SLC20A2: variants seen among roughly 807,000 people sequenced by gnomAD.
SLC20A2 encodes the protein solute carrier family 20 member 2.
A neutral mutation model predicts 61.0 loss-of-function variants in SLC20A2; 30 were observed. That is an observed-to-expected ratio of 0.49 (90% CI 0.37 to 0.67). SLC20A2 has a LOEUF of 0.67. Among genes scored for constraint, SLC20A2 ranks in the 30% least tolerant of loss-of-function variants. SLC20A2 has a pLI of 0.00. For missense variants in SLC20A2, 626 were observed against 866.4 expected, an observed-to-expected ratio of 0.72 and a Z score of 3.48; for synonymous variants, 351 against 353.3, an observed-to-expected ratio of 0.99 and a Z score of 0.07.
intron 1 of SLC20A2, among the ~76,000 whole-genome samples, chr8:42,487,217 G>A (rs191325391): frequency 0.015 from 1,908 of 130,872 alleles, 41 homozygotes; most frequent in African/African-American, 0.048. Context: ...TCATTCTGTC[G>A]CCCAGGCTGG....
chr8:42,439,406 T>C, intron 7 of SLC20A2, 44 bp downstream of exon 7: 2 of 1,598,042 alleles, frequency 1.3e-6, no homozygotes, highest in Non-Finnish European at 8.6e-7. Flanking sequence ...CCAGGGAACT[T>C]CTCTGTGCTG....
chr8:42,513,227 CAT>C (rs1811124542), intron 1 of SLC20A2, among the ~76,000 whole-genome samples: 1 of 152,106 alleles, frequency 6.6e-6, no homozygotes, highest in South Asian at 2.1e-4. Context: ...AAATTAGAAA[CAT>C]ATAACGTCTG....
At chr8:42,458,831 C>T (rs1342479589) in intron 5 of SLC20A2, among the ~76,000 whole-genome samples, 1 of 151,792 alleles carries the variant, frequency 6.6e-6, no homozygotes, top group Non-Finnish European at 1.5e-5. Flanking sequence ...ATGGCATGAA[C>T]CCAGGAGGCG....
chr8:42,425,902 G>A (rs549732561), intron 10 of SLC20A2, among the ~76,000 whole-genome samples: 6 of 152,212 alleles, frequency 3.9e-5, no homozygotes, highest in Non-Finnish European at 5.9e-5. Flanking sequence ...AGTAGCTGGT[G>A]GTGGGCACCT....
At chr8:42,484,127 T>C (rs1808762596) in intron 1 of SLC20A2, among the ~76,000 whole-genome samples, 1 of 152,240 alleles carries the variant, frequency 6.6e-6, no homozygotes, top group African/African-American at 2.4e-5. Flanking sequence ...CAATTGTTCT[T>C]AGCCAGCAGA....
intron 5 of SLC20A2, among the ~76,000 whole-genome samples, chr8:42,458,937 T>C (rs1806440964): frequency 7.6e-6 from 1 of 131,418 alleles, no homozygotes; most frequent in Middle Eastern, 4.3e-3. Context: ...AAAATAATTT[T>C]TAACCCCCCC....
At chr8:42,527,588 G>A (rs1393260609) in intron 1 of SLC20A2, among the ~76,000 whole-genome samples, 1 of 151,962 alleles carries the variant, frequency 6.6e-6, no homozygotes, top group Non-Finnish European at 1.5e-5. Context: ...GACCAACATG[G>A]AGAAACCCCA....
chr8:42,449,953 T>A (rs753266547), intron 5 of SLC20A2, among the ~76,000 whole-genome samples: 3 of 152,206 alleles, frequency 2.0e-5, no homozygotes, highest in Non-Finnish European at 4.4e-5. Context: ...TATCTTCTCA[T>A]AGTAAACATT....
At chr8:42,476,271 T>A (rs1808097139) in intron 1 of SLC20A2, among the ~76,000 whole-genome samples, 1 of 151,760 alleles carries the variant, frequency 6.6e-6, no homozygotes, top group African/African-American at 2.4e-5. Flanking sequence ...GCTATTTTTT[T>A]AAATTTTATT....
intron 1 of SLC20A2, among the ~76,000 whole-genome samples, chr8:42,478,671 T>C (rs2131263767): frequency 6.6e-6 from 1 of 152,262 alleles, no homozygotes; most frequent in East Asian, 1.9e-4. Context: ...ACTGCACGTG[T>C]TGTCAAAACT....
chr8:42,436,642 T>A (rs1804281709), intron 8 of SLC20A2, among the ~76,000 whole-genome samples: 2 of 152,166 alleles, frequency 1.3e-5, no homozygotes, highest in African/African-American at 4.8e-5. Flanking sequence ...TAGCTTGTCC[T>A]GGAGAACACA....
chr8:42,461,113 G>A (rs1378007096), intron 4 of SLC20A2, among the ~76,000 whole-genome samples: 3 of 152,192 alleles, frequency 2.0e-5, no homozygotes, highest in Non-Finnish European at 4.4e-5. Flanking sequence ...GCAGTGAGGC[G>A]TGATGCAGCA....
At chr8:42,424,799 A>G (rs925987946) in intron 10 of SLC20A2, among the ~76,000 whole-genome samples, 2 of 152,228 alleles carry the variant, frequency 1.3e-5, no homozygotes, top group African/African-American at 4.8e-5. Context: ...TAATTCCAGC[A>G]CTTTGGGAGG....
chr8:42,536,141 G>C (rs1812680401), intron 1 of SLC20A2, among the ~76,000 whole-genome samples: 1 of 152,136 alleles, frequency 6.6e-6, no homozygotes, highest in Non-Finnish European at 1.5e-5. Flanking sequence ...TACTTCCTCA[G>C]ATACTTAAAC....
At chr8:42,513,327 T>G (rs2131378814) in intron 1 of SLC20A2, among the ~76,000 whole-genome samples, 1 of 152,312 alleles carries the variant, frequency 6.6e-6, no homozygotes, top group Admixed American at 6.5e-5. Flanking sequence ...ACCATCACAG[T>G]GGCTGCCTCT....
chr8:42,443,904 C>T (rs1018230988), intron 6 of SLC20A2, among the ~76,000 whole-genome samples: 9 of 152,212 alleles, frequency 5.9e-5, no homozygotes, highest in East Asian at 5.8e-4. Context: ...GGTGCTCTTC[C>T]GGATCATGGG....
chr8:42,478,292 A>G (rs1197030544), intron 1 of SLC20A2, among the ~76,000 whole-genome samples: 1 of 146,698 alleles, frequency 6.8e-6, no homozygotes, highest in East Asian at 2.0e-4. Context: ...GCTCACTACA[A>G]CCTCTGCCTC....
chr8:42,523,109 G>A (rs1811692783), intron 1 of SLC20A2, among the ~76,000 whole-genome samples: 1 of 152,106 alleles, frequency 6.6e-6, no homozygotes, highest in South Asian at 2.1e-4. Context: ...GAGGCGGGCA[G>A]ATCACGAGGT....
In SLC20A2 at chr8:42,439,637, T is replaced by G; in HGVS notation, c.747A>C (p.Glu249Asp). 6.2e-7 allele frequency: 1 copy of G among 1,613,976 alleles called. No individual in the cohort carries two copies. Among genetic ancestry groups the G allele is most frequent in the Non-Finnish European group, 8.5e-7 (1 of 1,179,800 alleles). ...CGTCAGATACTCGTGATAAAGCACC[T>G]TCTTTTTGTAATTTGCCTAAAGAAA... Reference protein sequence around the residue: ...RRKITGKLQKEGALSRVSDES... With the variant: ...RRKITGKLQKDGALSRVSDES... Residue 249 changes from glutamate (E) to aspartate (D), a missense_variant, in exon 7 of 11, where the codon GAA becomes GAC. Physicochemically the swap from Glu to Asp is conservative, Grantham distance 45. Coordinates refer to ENST00000520262, the MANE Select transcript of SLC20A2 (RefSeq NM_001257180.2).
Sources: allele counts gnomAD v4.1 joint callset (sites outside exome capture counted in the v4.1 genomes callset), GRCh38; gene constraint gnomAD v4.1.1; transcripts MANE v1.5; gene names NCBI Gene and HGNC (gene_info 2026-07-23, HGNC 2026-07-21).